Variants in TFAP4 observed in about 807,000 individuals in gnomAD.
TFAP4 encodes activating enhancer-binding protein 4.
TFAP4 carries 7 observed loss-of-function variants against 40.4 expected under a neutral mutation model. The ratio of observed to expected loss-of-function variants is 0.17; its 90% confidence interval spans 0.10 to 0.33. The LOEUF (loss-of-function observed/expected upper bound fraction) is 0.33. Among genes scored for constraint, TFAP4 ranks in the 10% least tolerant of loss-of-function variants. TFAP4 has a pLI of 1.00. For synonymous variants in TFAP4, 218 were observed against 181.4 expected (o/e 1.20, Z -1.62); for missense variants, 374 against 451.1 (o/e 0.83, Z 1.55).
Position 4,268,306 on chromosome 16 carries a change from T to C in TFAP4, c.89+4352A>G, listed in dbSNP as rs192684018. ...TTAGCCGGGTGTCGTGGGACGTGCC[T>C]GTAATCCCAGCTACTCGGGAGGTCG... On this transcript the variant is annotated intron_variant, in intron 1 of 6. Transcript: ENST00000204517. 9.4e-3 allele frequency among the ~76,000 whole-genome samples: 1,437 copies of C among 152,294 alleles called. 29 individuals are homozygous for C. Among genetic ancestry groups the C allele is most frequent in the African/African-American group, 0.033 (1,352 of 41,552 alleles).
rs2052908646 is a variant in TFAP4 at position 4,257,811 on chromosome 16, G to A, written c.*244C>T. The A allele has an allele frequency of 2.4e-6, 1 of 414,792 alleles. No homozygotes were observed. 25.7% of individuals were successfully genotyped at this position (414,792 alleles called of 1,614,324 possible). On this transcript the variant is annotated 3_prime_UTR_variant, in exon 7 of 7. Coordinates refer to ENST00000204517, the MANE Select transcript of TFAP4 (RefSeq NM_003223.3). ...TCCGTGTCAGCTTCCTCCAGCCCCC[G>A]GGGCCGAGGCCCCGCCCTGGGGTGC...
In TFAP4 at chr16:4,257,829, T is replaced by TG; in HGVS notation, c.*225dup. On this transcript the variant is annotated 3_prime_UTR_variant, in exon 7 of 7. Transcript: ENST00000204517. The stretch of plus-strand genomic sequence containing the variant: ...AGCCCCCGGGGCCGAGGCCCCGCCC[T>TG]GGGGTGCCGATGCTCCCACACGCTC... 1 of 420,360 alleles carries TG rather than the reference T, an allele frequency of 2.4e-6. No individual in the cohort carries two copies. Among genetic ancestry groups the TG allele is most frequent in the Non-Finnish European group, 4.2e-6 (1 of 237,428 alleles). 26.0% of individuals were successfully genotyped at this position (420,360 alleles called of 1,614,324 possible).
intron 6 of TFAP4, 110 bp downstream of exon 6, chr16:4,259,980 C>G: frequency 7.2e-7 from 1 of 1,384,528 alleles, no homozygotes; most frequent in Non-Finnish European, 9.6e-7. Flanking sequence ...CACCCCTTCC[C>G]ACACAAGCAC....
In TFAP4 at chr16:4,261,866, C is replaced by T. The variant is rs747687185; in HGVS notation, c.438G>A (p.Glu146=). ...TCTCCCGCCGCAGGTCCTCCGCCTT[C>T]TCGTCCTCCCAGATGTCCGGGGAGC... ...GIGSPDIWED[E]KAEDLRREMI... Residue 146 remains glutamate (E), a synonymous_variant, in exon 4 of 7, where the codon GAG becomes GAA. Coordinates refer to ENST00000204517, the MANE Select transcript of TFAP4 (RefSeq NM_003223.3). 1.2e-6 allele frequency: 2 copies of T among 1,613,756 alleles called. No homozygotes were observed. Among genetic ancestry groups the T allele is most frequent in the Non-Finnish European group, 1.7e-6 (2 of 1,179,900 alleles).
At chr16:4,262,042 A>C (rs1157920888) in intron 3 of TFAP4, 93 bp from the exon 4 acceptor site, 1 of 1,356,744 alleles carries the variant, frequency 7.4e-7, no homozygotes, top group African/African-American at 1.5e-5. Context: ...GCTGCCCAAC[A>C]CAGGTGAATC....
At chr16:4,264,442 T>C (rs1219200973) in intron 1 of TFAP4, 1 of 152,328 alleles carries the variant, frequency 6.6e-6, no homozygotes, top group East Asian at 1.9e-4. Flanking sequence ...TCCGTCCTCA[T>C]CAAGCCAAGC....
intron 3 of TFAP4, 86 bp from the exon 4 acceptor site, chr16:4,262,035 G>T: frequency 7.2e-7 from 1 of 1,395,312 alleles, no homozygotes; most frequent in Non-Finnish European, 9.5e-7. Context: ...CCCCAAAGCT[G>T]CCCAACACAG....
chr16:4,272,036 C>T (rs990878170), intron 1 of TFAP4, among the ~76,000 whole-genome samples: 2 of 151,446 alleles, frequency 1.3e-5, no homozygotes, highest in East Asian at 3.9e-4. Flanking sequence ...CGGCAGCCAA[C>T]GTGCCCCGGG....
At position 4,260,487 on chromosome 16, in the gene TFAP4, G is replaced by C. The variant is rs1261695060; in HGVS notation, c.634C>G (p.Leu212Val). 10 of 1,605,474 alleles carry C rather than the reference G, an allele frequency of 6.2e-6. No individual in the cohort carries two copies. Among genetic ancestry groups the C allele is most frequent in the Admixed American group, 1.7e-5 (1 of 58,792 alleles). Reference protein sequence around the residue: ...EQVRLLHQEKLEREQQQLRTQ... With the variant: ...EQVRLLHQEKVEREQQQLRTQ... ...CGCAGCTGCTGCTGTTCCCGCTCCA[G>C]CTTCTCCTGGTGCAGCAGCCTCACC... Residue 212 changes from leucine (L) to valine (V), a missense_variant, in exon 5 of 7, where the codon CTG becomes GTG. Coordinates refer to ENST00000204517, the MANE Select transcript of TFAP4 (RefSeq NM_003223.3).
intron 1 of TFAP4, among the ~76,000 whole-genome samples, chr16:4,270,490 C>T (rs1452988665): frequency 6.6e-6 from 1 of 152,186 alleles, no homozygotes. Flanking sequence ...GACTGGCTTC[C>T]CACCTCACCC....
chr16:4,262,177 A>C, intron 3 of TFAP4, 147 bp downstream of exon 3: 2 of 1,026,028 alleles, frequency 1.9e-6, no homozygotes, highest in Non-Finnish European at 2.9e-6. Context: ...CGATGGGGAA[A>C]CTGAGGCCGG....
chr16:4,261,503 G>A (rs1362512135), intron 4 of TFAP4, among the ~76,000 whole-genome samples: 2 of 151,566 alleles, frequency 1.3e-5, no homozygotes, highest in Non-Finnish European at 2.9e-5. Flanking sequence ...TAGCCAGGAT[G>A]GTATCGATCT....
intron 6 of TFAP4, 45 bp from the exon 7 acceptor site, chr16:4,258,294 G>A: frequency 6.6e-7 from 1 of 1,512,538 alleles, no homozygotes; most frequent in Non-Finnish European, 8.9e-7. Flanking sequence ...GGGGATACAT[G>A]GCCAGCCAGG....
chr16:4,267,170 A>T (rs1354097116), intron 1 of TFAP4: 3 of 152,372 alleles, frequency 2.0e-5, no homozygotes, highest in African/African-American at 7.2e-5. Context: ...AGTAGCTGGG[A>T]TTACAGGGAC....
In TFAP4 at chr16:4,262,677, G is replaced by T; in HGVS notation, c.114C>A (p.Pro38=). Residue 38 remains proline, a synonymous_variant, in exon 2 of 7, where the codon CCC becomes CCA. Transcript: ENST00000204517. ...LCSLANIPLT[P]ETQRDQERRI... The stretch of plus-strand genomic sequence containing the variant: ...GCCGCTCCTGGTCCCGCTGAGTCTC[G>T]GGGGTTAGTGGAATGTTGGCAAGGC... The T allele has an allele frequency of 1.2e-6, 2 of 1,609,704 alleles. No homozygotes were observed.
chr16:4,269,492 C>CAAA (rs60856578), intron 1 of TFAP4, among the ~76,000 whole-genome samples: 45 of 43,136 alleles, frequency 1.0e-3, no homozygotes, highest in South Asian at 2.2e-3. Context: ...GACTCTGCCT[C>CAAA]AAAAAAAAAA....
chr16:4,257,674 A>AG lies in TFAP4; in HGVS notation c.*380dup, dbSNP rs2052907371. ...AAGGGGATTGAAGGCTGACAATCCC[A>AG]GGCTGGCTCTGGGCAGGGAAGAAAT... On this transcript the variant is annotated 3_prime_UTR_variant, in exon 7 of 7. Transcript: ENST00000204517. 1 of 176,680 alleles carries AG rather than the reference A, an allele frequency of 5.7e-6. No homozygotes were observed. The highest frequency in any genetic ancestry group is 1.3e-4 in the South Asian group (1 of 7,836). The allele number at this position is 176,680 out of a possible 1,614,324, so 10.9% of individuals were successfully genotyped here.
intron 4 of TFAP4, 116 bp downstream of exon 4, chr16:4,261,663 C>T: frequency 3.2e-6 from 4 of 1,239,006 alleles, no homozygotes; most frequent in Non-Finnish European, 3.2e-6. Flanking sequence ...GGCCTGGCAC[C>T]GCAGTAGGTG....
At chr16:4,260,702 G>T in intron 4 of TFAP4, 107 bp from the exon 5 acceptor site, 1 of 1,355,406 alleles carries the variant, frequency 7.4e-7, no homozygotes, top group Non-Finnish European at 9.7e-7. Context: ...GCACAGGGCG[G>T]GCCCCTCTCA....
Sources: gnomAD v4.1 joint callset for allele counts (sites outside exome capture counted in the v4.1 genomes callset) on GRCh38, gnomAD v4.1.1 for gene constraint, MANE v1.5 for transcripts, NCBI Gene and HGNC (gene_info 2026-07-23, HGNC 2026-07-21) for gene names.